The following COQ10A variants were observed in gnomAD, a reference collection of about 807,000 sequenced individuals.
COQ10A encodes coenzyme Q-binding protein COQ10 homolog A, mitochondrial.
In COQ10A, 25 loss-of-function variants were observed where a neutral mutation model predicts 26.1. That is an observed-to-expected ratio of 0.96 (90% CI 0.70 to 1.34). The LOEUF is 1.34. COQ10A is among the 40% of genes most tolerant of loss of function. The pLI is 0.00. For synonymous variants in COQ10A, 132 were observed against 124.0 expected, an observed-to-expected ratio of 1.06 and a Z score of -0.43; for missense variants, 312 against 335.4, an observed-to-expected ratio of 0.93 and a Z score of 0.54.
intron 4 of COQ10A, chr12:56,269,931 G>A: frequency 1.7e-6 from 1 of 585,592 alleles, no homozygotes. Flanking sequence ...CGACCTGACA[G>A]GGTTATTCTT....
At chr12:56,268,078 C>T in intron 2 of COQ10A, 138 bp downstream of exon 2, 3 of 1,059,114 alleles carry the variant, frequency 2.8e-6, no homozygotes, top group African/African-American at 1.6e-5. Context: ...TACTGATCCT[C>T]AGTCCTCCCC....
rs111587290 is a variant in COQ10A, at chr12:56,268,220, C to T, written c.281+280C>T. ...GTGCGGTGGCTCACGCCTGTAATCC[C>T]AGGACTTTGGGAGGCTGAGGCGGGC... On this transcript the variant is annotated intron_variant, in intron 2 of 4. Coordinates refer to ENST00000308197, the MANE Select transcript of COQ10A (RefSeq NM_144576.4). 4.4e-5 allele frequency: 18 copies of T among 408,968 alleles called. 2 individuals carry two copies. Among genetic ancestry groups the T allele is most frequent in the African/African-American group, 2.4e-4 (12 of 49,342 alleles). The allele number at this position is 408,968 out of a possible 1,614,324, so 25.3% of individuals were successfully genotyped here. A position where few individuals can be genotyped will look rare whatever the true frequency, so the allele number is the denominator to read the frequency against.
chr12:56,268,297 C>T (rs898454558), intron 2 of COQ10A: 3 of 218,772 alleles, frequency 1.4e-5, no homozygotes, highest in Admixed American at 1.1e-4. Context: ...ATGGTGAAAC[C>T]CTGTCTCCAC....
At chr12:56,267,545 A>T in intron 1 of COQ10A, 3 of 1,353,598 alleles carry the variant, frequency 2.2e-6, no homozygotes, top group Non-Finnish European at 3.2e-6. Flanking sequence ...GTCAAAGGCA[A>T]CTGGCGCTTC....
Position 56,270,232 on chromosome 12 carries a change from C to G in COQ10A, c.659C>G (p.Ala220Gly). ...GAGGTTGTCAAACAGAATGTTGCTG[C>G]CTTTGAGCGTCGGGCAGCCACCAAG... ...FDEVVKQNVA[A>G]FERRAATKFG... The change falls in exon 5 of 5, where the codon GCC (alanine) becomes GGC (glycine). Residue 220 changes from alanine (A) to glycine (G), a missense_variant. By Grantham distance (60) the Ala-to-Gly change is moderately conservative. Coordinates refer to ENST00000308197, the MANE Select transcript of COQ10A (RefSeq NM_144576.4). 6.2e-7 allele frequency: 1 copy of G among 1,614,134 alleles called. No homozygotes were observed. Among genetic ancestry groups the G allele is most frequent in the Non-Finnish European group, 8.5e-7 (1 of 1,180,010 alleles).
intron 1 of COQ10A, 199 bp from the exon 2 acceptor site, chr12:56,267,588 CGCCCCCA>C: frequency 8.7e-7 from 1 of 1,151,312 alleles, no homozygotes; most frequent in Non-Finnish European, 1.3e-6. Context: ...CCCCTCACCC[CGCCCCCA>C]GCCCTGTCCT....
chr12:56,267,718 C>G, intron 1 of COQ10A, 76 bp from the exon 2 acceptor site: 1 of 1,594,996 alleles, frequency 6.3e-7, no homozygotes, highest in African/African-American at 1.3e-5. Flanking sequence ...GGGATGCACT[C>G]TTCTTCTCCT....
intron 2 of COQ10A, 36 bp from the exon 3 acceptor site, chr12:56,269,023 T>A: frequency 6.3e-7 from 1 of 1,595,090 alleles, no homozygotes. Context: ...CTGACCCAGC[T>A]GGCAGCTCCT....
chr12:56,270,031 G>A, intron 4 of COQ10A, 119 bp from the exon 5 acceptor site: 1 of 981,612 alleles, frequency 1.0e-6, no homozygotes, highest in Admixed American at 2.0e-5. Context: ...GCTCTTACGG[G>A]GATCCACGAA....
intron 4 of COQ10A, 48 bp from the exon 5 acceptor site, chr12:56,270,100 ACT>A (rs777084364): frequency 6.4e-7 from 1 of 1,568,816 alleles, no homozygotes; most frequent in Admixed American, 1.7e-5. Flanking sequence ...TTGGCCAGGG[ACT>A]ATCCAACATG....
At chr12:56,270,032 G>A (rs778913638) in intron 4 of COQ10A, 118 bp from the exon 5 acceptor site, 2 of 991,920 alleles carry the variant, frequency 2.0e-6, no homozygotes, top group Non-Finnish European at 3.1e-6. Context: ...CTCTTACGGG[G>A]ATCCACGAAC....
At position 56,269,476 on chromosome 12, in the gene COQ10A, G is replaced by A. The variant is rs1872443887; in HGVS notation, c.491G>A (p.Gly164Asp). The A allele has an allele frequency of 6.2e-7, 1 of 1,613,658 alleles. No individual in the cohort carries two copies. Among genetic ancestry groups the A allele is most frequent in the African/African-American group, 1.3e-5 (1 of 74,828 alleles). ...PHMVKAVCTDGKLFNHLETIW... is the reference protein window; with the variant it reads ...PHMVKAVCTDDKLFNHLETIW... Reference sequence around the variant, plus strand: ...CTATTCTAGGCTGTTTGTACTGATGGCAAGCTCTTCAACCACTTAGAGACT... The same window carrying A: ...CTATTCTAGGCTGTTTGTACTGATGACAAGCTCTTCAACCACTTAGAGACT... The change falls in exon 4 of 5, where the codon GGC becomes GAC. Residue 164 changes from glycine (G) to aspartate (D), a missense_variant. Gly to Asp is a moderately conservative substitution (Grantham distance 94). Coordinates refer to ENST00000308197, the MANE Select transcript of COQ10A (RefSeq NM_144576.4).
rs147636976 is a variant in COQ10A at position 56,268,003 on chromosome 12, C to G, written c.281+63C>G. On this transcript the variant is annotated intron_variant, in intron 2 of 4. Coordinates refer to ENST00000308197, the MANE Select transcript of COQ10A (RefSeq NM_144576.4). ...TTCCCTCCAAATAACCCTGTCCAGG[C>G]AAGAATGTCAGGGTATCATCGGTGG... 1.8e-4 allele frequency: 288 copies of G among 1,586,782 alleles called. No homozygotes were observed. The Middle Eastern group carries it at 5.0e-3, about 27-fold the overall frequency.
intron 1 of COQ10A, 113 bp from the exon 2 acceptor site, chr12:56,267,681 G>A (rs758849512): frequency 2.1e-6 from 3 of 1,454,486 alleles, no homozygotes; most frequent in East Asian, 2.3e-5. Context: ...GTGCTGGGGG[G>A]AAAGCTTGTT....
Position 56,267,028 on chromosome 12 carries a change from C to T in COQ10A, c.-91C>T. ...GCCCCTGCGCTCAGAGGTCCCGAAC[C>T]AGCCCAGCCGCTGCCTCTTGCCGCT... On this transcript the variant is annotated 5_prime_UTR_variant, in exon 1 of 5. Transcript: ENST00000308197. 1.7e-6 allele frequency: 2 copies of T among 1,189,760 alleles called. No homozygotes were observed. Among genetic ancestry groups the T allele is most frequent in the Non-Finnish European group, 2.1e-6 (2 of 957,574 alleles). 73.7% of individuals were successfully genotyped at this position (1,189,760 alleles called of 1,614,324 possible).
intron 1 of COQ10A, 164 bp from the exon 2 acceptor site, chr12:56,267,630 C>G: frequency 8.3e-7 from 1 of 1,201,782 alleles, no homozygotes; most frequent in Non-Finnish European, 1.2e-6. Flanking sequence ...CTTTTGCACT[C>G]GTGACTCCCT....
chr12:56,269,407 AT>A (rs1872441773), intron 3 of COQ10A, 52 bp from the exon 4 acceptor site: 7 of 1,495,382 alleles, frequency 4.7e-6, no homozygotes, highest in Non-Finnish European at 6.5e-6. Context: ...ATTCCTTTAT[AT>A]TGTATCCTAT....
chr12:56,267,146 C>A lies in COQ10A; in HGVS notation c.28C>A (p.Pro10Thr). The A allele has an allele frequency of 7.6e-7, 1 of 1,319,190 alleles. No individual in the cohort carries two copies. Among genetic ancestry groups the A allele is most frequent in the Non-Finnish European group, 9.6e-7 (1 of 1,040,672 alleles). 81.7% of individuals were successfully genotyped at this position (1,319,190 alleles called of 1,614,324 possible). A position where few individuals can be genotyped will look rare whatever the true frequency, so the allele number is the denominator to read the frequency against. The stretch of plus-strand genomic sequence containing the variant: ...GGCCTGGGCGGGCTCGCGGCGGGTC[C>A]CAGCTGGGACGCGCGCGGCAGCCGA... Reference protein sequence around the residue: MAWAGSRRVPAGTRAAAERC... With the variant: MAWAGSRRVTAGTRAAAERC... The change falls in exon 1 of 5, where the codon CCA becomes ACA. Residue 10 changes from proline (P) to threonine (T), a missense_variant. Pro to Thr is a conservative substitution (Grantham distance 38). Coordinates refer to ENST00000308197, the MANE Select transcript of COQ10A (RefSeq NM_144576.4).
rs763619539 is a variant in COQ10A, at chr12:56,270,298, A to G, written c.725A>G (p.His242Arg). The G allele has an allele frequency of 6.2e-7, 1 of 1,614,154 alleles. No homozygotes were observed. The highest frequency in any genetic ancestry group is 8.5e-7 in the Non-Finnish European group (1 of 1,179,990). Residue 242 changes from histidine to arginine, a missense_variant, in exon 5 of 5, where the codon CAT becomes CGT. Coordinates refer to ENST00000308197, the MANE Select transcript of COQ10A (RefSeq NM_144576.4). ...GCCATCCCCCGTGAACTGATGTTCC[A>G]TGAGGTGCACCAGACTTGAGGCAAG... ...ETAIPRELMF[H>R]EVHQT
Sources: allele counts gnomAD v4.1 joint callset, GRCh38; gene constraint gnomAD v4.1.1; transcripts MANE v1.5; gene names NCBI Gene and HGNC (gene_info 2026-07-23, HGNC 2026-07-21).